Variants in PTPRN2 observed in about 807,000 individuals in gnomAD.
PTPRN2 encodes the protein protein tyrosine phosphatase receptor type N2, also known as receptor-type tyrosine-protein phosphatase N2.
Under a neutral mutation model 118.8 loss-of-function variants are expected in PTPRN2, and 74 were observed. The ratio of observed to expected loss-of-function variants is 0.62; its 90% CI spans 0.52 to 0.76. PTPRN2 has a LOEUF of 0.76. Among genes scored for constraint, PTPRN2 ranks in the 30% least tolerant of loss-of-function variants. The pLI, the probability that PTPRN2 is intolerant of heterozygous loss-of-function variation, is 0.00. For synonymous variants in PTPRN2, 641 were observed against 608.0 expected, an observed-to-expected ratio of 1.05 and a Z score of -0.80; for missense variants, 1,481 against 1,394.4, an observed-to-expected ratio of 1.06 and a Z score of -0.99.
intron 11 of PTPRN2, among the ~76,000 whole-genome samples, chr7:157,939,446 C>T (rs1269403149): frequency 6.6e-6 from 1 of 152,250 alleles, no homozygotes; most frequent in Non-Finnish European, 1.5e-5. Flanking sequence ...GAGAGGAGAG[C>T]TGGACAGCCA....
intron 12 of PTPRN2, among the ~76,000 whole-genome samples, chr7:157,741,849 T>C (rs943651215): frequency 1.3e-5 from 2 of 152,212 alleles, no homozygotes; most frequent in Non-Finnish European, 2.9e-5. Flanking sequence ...CTCAGTTACT[T>C]CTCTGCTCAT....
chr7:158,275,135 G>A (rs1206711819), intron 3 of PTPRN2, among the ~76,000 whole-genome samples: 1 of 152,184 alleles, frequency 6.6e-6, no homozygotes, highest in Non-Finnish European at 1.5e-5. Flanking sequence ...GAGCCCCGGG[G>A]AAGAGCTCAA....
intron 3 of PTPRN2, among the ~76,000 whole-genome samples, chr7:158,221,029 AT>A (rs1399405102): frequency 2.0e-5 from 3 of 152,176 alleles, no homozygotes; most frequent in Non-Finnish European, 4.4e-5. Context: ...ACATAGACCA[AT>A]GGAACAGGTT....
intron 1 of PTPRN2, among the ~76,000 whole-genome samples, chr7:158,545,417 T>C (rs942457045): frequency 1.3e-5 from 2 of 152,226 alleles, no homozygotes; most frequent in Non-Finnish European, 2.9e-5. Context: ...GTTACCATTT[T>C]CTCGTATTCT....
intron 6 of PTPRN2, among the ~76,000 whole-genome samples, chr7:158,141,202 G>C (rs545107279): frequency 6.6e-6 from 1 of 152,340 alleles, no homozygotes; most frequent in South Asian, 2.1e-4. Context: ...TAGAAGCGGA[G>C]GAATTATTTC....
At chr7:157,802,988 G>A (rs995398545) in intron 12 of PTPRN2, among the ~76,000 whole-genome samples, 2 of 152,072 alleles carry the variant, frequency 1.3e-5, no homozygotes, top group African/African-American at 4.8e-5. Flanking sequence ...TTTTGGAGAT[G>A]GAGTCTTGCT....
intron 12 of PTPRN2, among the ~76,000 whole-genome samples, chr7:157,894,250 A>G (rs1796977541): frequency 6.6e-6 from 1 of 152,240 alleles, no homozygotes; most frequent in African/African-American, 2.4e-5. Flanking sequence ...TCCAAAACTG[A>G]GAGGAGCAAT....
At chr7:158,054,571 A>G (rs1387403810) in intron 11 of PTPRN2, among the ~76,000 whole-genome samples, 1 of 152,144 alleles carries the variant, frequency 6.6e-6, no homozygotes. Flanking sequence ...CAGGTGGCCC[A>G]TGGGTGAGGT....
Position 158,167,107 on chromosome 7 carries a change from G to T in PTPRN2, c.734C>A (p.Ala245Asp). 6.2e-7 allele frequency: 1 copy of T among 1,613,218 alleles called. No homozygotes were observed. Reference sequence around the variant, plus strand: ...CCTCTGGGCAGCATAGGCACTGAGGGCCGCCATCAGATGGTGTCTGTCCAC... The same window carrying T: ...CCTCTGGGCAGCATAGGCACTGAGGTCCGCCATCAGATGGTGTCTGTCCAC... ...SGVDRHHLMA[A>D]LSAYAAQRPP... Residue 245 changes from alanine to aspartate, a missense_variant, in exon 6 of 23, where the codon GCC becomes GAC. Ala to Asp is a moderately radical substitution (Grantham distance 126). Coordinates refer to ENST00000389418, the MANE Select transcript of PTPRN2 (RefSeq NM_002847.5).
intron 12 of PTPRN2, among the ~76,000 whole-genome samples, chr7:157,847,767 C>CA: frequency 7.5e-6 from 1 of 133,504 alleles, no homozygotes; most frequent in African/African-American, 2.9e-5. Flanking sequence ...CATGCGTGCC[C>CA]GATGTCTACA....
intron 1 of PTPRN2, among the ~76,000 whole-genome samples, chr7:158,504,453 G>A (rs1370444749): frequency 6.6e-6 from 1 of 152,252 alleles, no homozygotes; most frequent in Non-Finnish European, 1.5e-5. Context: ...GCAGTGTTTG[G>A]TTTTCTGTTC....
chr7:157,641,223 A>G (rs147686897), intron 14 of PTPRN2, among the ~76,000 whole-genome samples: 4 of 152,354 alleles, frequency 2.6e-5, no homozygotes, highest in African/African-American at 9.6e-5. Flanking sequence ...TTACTAAAGT[A>G]TAACTGCTGA....
At chr7:158,474,306 C>A (rs1037792899) in intron 2 of PTPRN2, among the ~76,000 whole-genome samples, 1 of 152,226 alleles carries the variant, frequency 6.6e-6, no homozygotes, top group African/African-American at 2.4e-5. Context: ...CTGGAAAACA[C>A]TGCGTGTAAC....
intron 2 of PTPRN2, among the ~76,000 whole-genome samples, chr7:158,422,065 C>G (rs1815298545): frequency 6.6e-6 from 1 of 152,196 alleles, no homozygotes; most frequent in Non-Finnish European, 1.5e-5. Context: ...CACAGAAATA[C>G]TTCAAATCCA....
chr7:158,371,523 T>C (rs1016431778), intron 2 of PTPRN2, among the ~76,000 whole-genome samples: 1 of 152,166 alleles, frequency 6.6e-6, no homozygotes. Context: ...CATATTTTCC[T>C]ACACAATTAA....
At chr7:158,148,460 G>A (rs1438994950) in intron 6 of PTPRN2, among the ~76,000 whole-genome samples, 1 of 123,700 alleles carries the variant, frequency 8.1e-6, no homozygotes, top group Non-Finnish European at 1.7e-5. Context: ...CATGCCACAC[G>A]TCTTTCCCCC....
intron 2 of PTPRN2, among the ~76,000 whole-genome samples, chr7:158,338,329 A>G (rs1290163884): frequency 2.0e-4 from 3 of 14,738 alleles, no homozygotes; most frequent in Admixed American, 7.1e-4. Flanking sequence ...AAGAGCTGAC[A>G]CCCGCAGACG....
At chr7:158,396,470 T>C (rs1229871861) in intron 2 of PTPRN2, among the ~76,000 whole-genome samples, 1 of 149,500 alleles carries the variant, frequency 6.7e-6, no homozygotes, top group Non-Finnish European at 1.5e-5. Flanking sequence ...TGTACATGCA[T>C]GTGATTTTGT....
At chr7:158,083,228 C>T (rs961810820) in intron 10 of PTPRN2, among the ~76,000 whole-genome samples, 1 of 152,162 alleles carries the variant, frequency 6.6e-6, no homozygotes, top group Non-Finnish European at 1.5e-5. Context: ...ATGATGATTT[C>T]TGCCACGGCC....
Sources: allele counts gnomAD v4.1 joint callset (sites outside exome capture counted in the v4.1 genomes callset), GRCh38; gene constraint gnomAD v4.1.1; transcripts MANE v1.5; gene names NCBI Gene and HGNC (gene_info 2026-07-23, HGNC 2026-07-21).